FMO2: variants seen among roughly 807,000 people sequenced by gnomAD.
FMO2 encodes flavin containing dimethylaniline monoxygenase 2.
Under a neutral mutation model 41.6 loss-of-function variants are expected in FMO2, and 33 were observed. The ratio of observed to expected loss-of-function variants is 0.79; its 90% CI spans 0.60 to 1.06. The LOEUF (loss-of-function observed/expected upper bound fraction) is 1.06, where lower values mean the gene tolerates loss of function less well. FMO2 is among the 50% of genes least tolerant of loss of function. FMO2 has a pLI of 0.00. For missense variants in FMO2, 619 were observed against 632.9 expected (o/e 0.98, Z 0.23); for synonymous variants, 214 against 219.6 (o/e 0.97, Z 0.23).
At position 171,203,880 on chromosome 1, in the gene FMO2, A is replaced by G; in HGVS notation, c.643A>G (p.Arg215Gly). 6.2e-7 allele frequency: 1 copy of G among 1,613,424 alleles called. No individual in the cohort carries two copies. Among genetic ancestry groups the G allele is most frequent in the Non-Finnish European group, 8.5e-7 (1 of 1,179,560 alleles). The change falls in exon 6 of 9, where the codon AGG becomes GGG. Residue 215 changes from arginine to glycine, a missense_variant. Physicochemically the swap from Arg to Gly is moderately radical, Grantham distance 125. Transcript: ENST00000209929. Reference sequence around the variant, plus strand: ...TGCTTGCCAGGTTTTTATCAGCACCAGGCATGGCACCTGGGTCATGAGCCG... The same window carrying G: ...TGCTTGCCAGGTTTTTATCAGCACCGGGCATGGCACCTGGGTCATGAGCCG... ...KNAAQVFIST[R>G]HGTWVMSRIS... is the part of the protein sequence containing the mutation.
intron 6 of FMO2, 59 bp from the exon 7 acceptor site, chr1:171,205,220 A>G (rs1463542802): frequency 1.9e-6 from 2 of 1,063,276 alleles, no homozygotes; most frequent in East Asian, 4.9e-5. Flanking sequence ...AAATATCAAG[A>G]GGGTTCAAGA....
intron 6 of FMO2, 137 bp from the exon 7 acceptor site, chr1:171,205,142 G>C: frequency 3.5e-6 from 2 of 570,002 alleles, no homozygotes; most frequent in Non-Finnish European, 6.2e-6. Flanking sequence ...GATTTGCACA[G>C]ACAACCAGTT....
At chr1:171,203,235 G>A (rs1243682249) in intron 5 of FMO2, among the ~76,000 whole-genome samples, 1 of 151,774 alleles carries the variant, frequency 6.6e-6, no homozygotes. Flanking sequence ...TGAGGTGGGA[G>A]GATCACTTGA....
chr1:171,205,754 C>T (rs1658738258), intron 7 of FMO2, 120 bp downstream of exon 7: 1 of 598,448 alleles, frequency 1.7e-6, no homozygotes, highest in East Asian at 2.8e-5. Flanking sequence ...ACCTTGGCTG[C>T]TCTCACAAGA....
chr1:171,207,722 G>C lies in FMO2; in HGVS notation c.1188G>C (p.Leu396Phe), dbSNP rs781525268. 2.5e-6 allele frequency: 4 copies of C among 1,605,570 alleles called. No individual in the cohort carries two copies. In the South Asian group the frequency reaches 4.4e-5, roughly 18 times the overall value. ...ARWVTRVFKGLCSLPSERTMM... is the reference protein window; with the variant it reads ...ARWVTRVFKGFCSLPSERTMM... The stretch of plus-strand genomic sequence containing the variant: ...AACCAACCTTTTATTCCTTAGGCTT[G>C]TGTAGCCTGCCCTCAGAGAGAACTA... Residue 396 changes from leucine (L) to phenylalanine (F), a missense_variant, in exon 8 of 9, where the codon TTG becomes TTC. Physicochemically the swap from Leu to Phe is conservative, Grantham distance 22. Transcript: ENST00000209929.
chr1:171,203,325 A>T (rs28369893), intron 5 of FMO2, among the ~76,000 whole-genome samples: 7 of 101,128 alleles, frequency 6.9e-5, no homozygotes, highest in Non-Finnish European at 1.0e-4. Context: ...ACCCTGTCTC[A>T]CACACACACA....
rs1438207308 is a variant in FMO2 at position 171,211,396 on chromosome 1, G to T, written c.*2251G>T. Among the ~76,000 whole-genome samples the T allele has an allele frequency of 6.6e-6, 1 of 152,084 alleles. No individual in the cohort carries two copies. Among genetic ancestry groups the T allele is most frequent in the African/African-American group, 2.4e-5 (1 of 41,420 alleles). On this transcript the variant is annotated 3_prime_UTR_variant, in exon 9 of 9. Coordinates refer to ENST00000209929, the MANE Select transcript of FMO2 (RefSeq NM_001460.5). ...CCTGCTTTATAATATGTAAGGCATT[G>T]TCCCATTTTGCATAACTTGCCTTAT...
chr1:171,190,295 C>T (rs1428755407), intron 2 of FMO2, among the ~76,000 whole-genome samples: 1 of 152,118 alleles, frequency 6.6e-6, no homozygotes, highest in Non-Finnish European at 1.5e-5. Flanking sequence ...TCTGAATTAA[C>T]TTGGTTTGCT....
chr1:171,199,063 C>G (rs1042410118), intron 4 of FMO2, among the ~76,000 whole-genome samples: 5 of 151,954 alleles, frequency 3.3e-5, no homozygotes, highest in African/African-American at 1.2e-4. Context: ...CAACCATGCC[C>G]AGCTAATTTT....
chr1:171,203,821 G>T (rs371036432), intron 5 of FMO2, 44 bp from the exon 6 acceptor site: 33 of 1,541,842 alleles, frequency 2.1e-5, no homozygotes, highest in Non-Finnish European at 3.0e-5. Flanking sequence ...CCTCCTAAAC[G>T]GGACAATGCC....
intron 4 of FMO2, among the ~76,000 whole-genome samples, chr1:171,197,598 T>C (rs987278082): frequency 6.6e-6 from 1 of 152,210 alleles, no homozygotes; most frequent in South Asian, 2.1e-4. Flanking sequence ...ATGGCTTGAA[T>C]GTCCTGTCCA....
chr1:171,189,274 A>G (rs1657977760), intron 2 of FMO2, among the ~76,000 whole-genome samples: 1 of 151,950 alleles, frequency 6.6e-6, no homozygotes, highest in South Asian at 2.1e-4. Flanking sequence ...TTCCAGATGT[A>G]TATGTTTAGT....
Position 171,196,700 on chromosome 1 carries a change from T to C in FMO2, c.373T>C (p.Trp125Arg). The C allele has an allele frequency of 6.2e-7, 1 of 1,613,534 alleles. No individual in the cohort carries two copies. The highest frequency in any genetic ancestry group is 1.1e-5 in the South Asian group (1 of 91,056). ...TCCAGATTTCTCATCCTCTGGCCAA[T>C]GGAAGGTTGTCACTCAGAGCAACGG... is the stretch of plus-strand genomic sequence containing the variant. Reference protein sequence around the residue: ...KCPDFSSSGQWKVVTQSNGKE... With the variant: ...KCPDFSSSGQRKVVTQSNGKE... The change falls in exon 4 of 9, where the codon TGG becomes CGG. Residue 125 changes from tryptophan to arginine, a missense_variant. Coordinates refer to ENST00000209929, the MANE Select transcript of FMO2 (RefSeq NM_001460.5).
rs1408736350 is a variant in FMO2 at position 171,207,725 on chromosome 1, T to G, written c.1191T>G (p.Cys397Trp). 1 of 1,606,806 alleles carries G rather than the reference T, an allele frequency of 6.2e-7. No individual in the cohort carries two copies. The highest frequency in any genetic ancestry group is 1.1e-5 in the South Asian group (1 of 90,580). Residue 397 changes from cysteine (C) to tryptophan (W), a missense_variant, in exon 8 of 9, where the codon TGT becomes TGG. Coordinates refer to ENST00000209929, the MANE Select transcript of FMO2 (RefSeq NM_001460.5). ...RWVTRVFKGL[C>W]SLPSERTMMM... Reference sequence around the variant, plus strand: ...CAACCTTTTATTCCTTAGGCTTGTGTAGCCTGCCCTCAGAGAGAACTATGA... The same window carrying G: ...CAACCTTTTATTCCTTAGGCTTGTGGAGCCTGCCCTCAGAGAGAACTATGA...
At chr1:171,200,828 A>G (rs947532483) in intron 5 of FMO2, among the ~76,000 whole-genome samples, 1 of 152,204 alleles carries the variant, frequency 6.6e-6, no homozygotes, top group African/African-American at 2.4e-5. Flanking sequence ...CTGGAAAATG[A>G]GAGTACCAGC....
chr1:171,205,214 A>G, intron 6 of FMO2, 65 bp from the exon 7 acceptor site: 2 of 1,025,498 alleles, frequency 2.0e-6, no homozygotes. Context: ...CCCCAAAAAT[A>G]TCAAGAGGGT....
At position 171,203,889 on chromosome 1, in the gene FMO2, A is replaced by T. The variant is rs555767779; in HGVS notation, c.652A>T (p.Thr218Ser). The T allele has an allele frequency of 6.2e-7, 1 of 1,613,494 alleles. No homozygotes were observed. The highest frequency in any genetic ancestry group is 1.3e-5 in the African/African-American group (1 of 74,996). The change falls in exon 6 of 9, where the codon ACC becomes TCC. Residue 218 changes from threonine to serine, a missense_variant. By Grantham distance (58) the Thr-to-Ser change is moderately conservative. Coordinates refer to ENST00000209929, the MANE Select transcript of FMO2 (RefSeq NM_001460.5). ...AQVFISTRHG[T>S]WVMSRISEDG... ...GGTTTTTATCAGCACCAGGCATGGC[A>T]CCTGGGTCATGAGCCGTATCTCTGA...
chr1:171,195,655 C>G (rs1255764022), intron 3 of FMO2, among the ~76,000 whole-genome samples: 1 of 152,144 alleles, frequency 6.6e-6, no homozygotes, highest in East Asian at 1.9e-4. Flanking sequence ...ATATAAAAGA[C>G]TAAAATACTT....
chr1:171,209,622 G>T lies in FMO2; in HGVS notation c.*477G>T, dbSNP rs1658903482. On this transcript the variant is annotated 3_prime_UTR_variant, in exon 9 of 9. Transcript: ENST00000209929. ...GGTCATGTTTCATTTGCTCAGTCGG[G>T]GATCACTCAAAACTACTAGACAAAA... The T allele has an allele frequency of 5.3e-5, 8 of 152,272 alleles. 1 individual carries two copies. In the South Asian group the frequency reaches 1.7e-3, roughly 32 times the overall value. 9.4% of individuals were successfully genotyped at this position (152,272 alleles called of 1,614,324 possible). A position where few individuals can be genotyped will look rare whatever the true frequency, so the allele number is the denominator to read the frequency against.
Sources: allele counts gnomAD v4.1 joint callset (sites outside exome capture counted in the v4.1 genomes callset), GRCh38; gene constraint gnomAD v4.1.1; transcripts MANE v1.5; gene names NCBI Gene and HGNC (gene_info 2026-07-23, HGNC 2026-07-21).